The following HS3ST2 variants were observed in gnomAD, a reference collection of about 807,000 sequenced individuals.
The protein encoded by HS3ST2 is heparan sulfate-glucosamine 3-sulfotransferase 2, also known as heparan sulfate glucosamine 3-O-sulfotransferase 2.
A neutral mutation model predicts 26.3 loss-of-function variants in HS3ST2; 17 were observed. That is an observed-to-expected ratio of 0.65 (90% CI 0.44 to 0.97). HS3ST2 has a LOEUF of 0.97. HS3ST2 is among the 50% of genes least tolerant of loss of function. The pLI, the probability that HS3ST2 is intolerant of heterozygous loss-of-function variation, is 0.00. For missense variants in HS3ST2, 402 were observed against 501.2 expected, an observed-to-expected ratio of 0.80 and a Z score of 1.89; for synonymous variants, 237 against 219.2, an observed-to-expected ratio of 1.08 and a Z score of -0.72.
At chr16:22,844,931 T>C (rs555934167) in intron 1 of HS3ST2, among the ~76,000 whole-genome samples, 32 of 151,976 alleles carry the variant, frequency 2.1e-4, no homozygotes, top group African/African-American at 7.2e-4. Flanking sequence ...CTCAGCTCAC[T>C]GCAAGCTTCG....
intron 1 of HS3ST2, among the ~76,000 whole-genome samples, chr16:22,844,905 A>G (rs1450947169): frequency 2.7e-5 from 4 of 150,086 alleles, no homozygotes; most frequent in Non-Finnish European, 4.4e-5. Context: ...CCCAGGCTGG[A>G]GTGCAGTGGC....
intron 1 of HS3ST2, among the ~76,000 whole-genome samples, chr16:22,820,860 G>A (rs1216452703): frequency 6.6e-6 from 1 of 152,214 alleles, no homozygotes; most frequent in Non-Finnish European, 1.5e-5. Context: ...ACCACTGAAA[G>A]GTTCTAAGAA....
intron 1 of HS3ST2, among the ~76,000 whole-genome samples, chr16:22,844,356 C>T (rs9302400): frequency 6.6e-6 from 1 of 152,052 alleles, no homozygotes; most frequent in Non-Finnish European, 1.5e-5. Flanking sequence ...AGACAAAGCT[C>T]CTTACAGTTC....
intron 1 of HS3ST2, among the ~76,000 whole-genome samples, chr16:22,838,846 T>C (rs1409373788): frequency 3.9e-5 from 6 of 152,202 alleles, no homozygotes; most frequent in African/African-American, 1.4e-4. Flanking sequence ...CAGGGGTTGC[T>C]GCTTCTTCCT....
intron 1 of HS3ST2, among the ~76,000 whole-genome samples, chr16:22,824,044 C>T (rs573777301): frequency 5.9e-5 from 9 of 152,352 alleles, no homozygotes; most frequent in African/African-American, 2.2e-4. Context: ...ACCACATCTA[C>T]ATAGATTGTC....
intron 1 of HS3ST2, among the ~76,000 whole-genome samples, chr16:22,867,738 CTGGAAGAATATT>C (rs1684004308): frequency 2.0e-5 from 3 of 152,180 alleles, no homozygotes; most frequent in African/African-American, 7.2e-5. Context: ...TACAACTGTT[CTGGAAGAATATT>C]TGGAAGGATA....
At chr16:22,909,423 C>G (rs1333708963) in intron 1 of HS3ST2, among the ~76,000 whole-genome samples, 1 of 152,122 alleles carries the variant, frequency 6.6e-6, no homozygotes, top group African/African-American at 2.4e-5. Flanking sequence ...CAGCTGGAAA[C>G]AAGTAAGCAA....
At chr16:22,869,257 G>A (rs886350817) in intron 1 of HS3ST2, among the ~76,000 whole-genome samples, 1 of 152,108 alleles carries the variant, frequency 6.6e-6, no homozygotes, top group Admixed American at 6.6e-5. Flanking sequence ...ACACCCATGG[G>A]AGGCAGCATC....
chr16:22,881,056 C>G (rs1567495453), intron 1 of HS3ST2, among the ~76,000 whole-genome samples: 3 of 152,208 alleles, frequency 2.0e-5, no homozygotes, highest in Admixed American at 1.3e-4. Context: ...GAGTTTCCAT[C>G]ACTTGCAACC....
chr16:22,853,903 G>A (rs996258724), intron 1 of HS3ST2, among the ~76,000 whole-genome samples: 2 of 152,112 alleles, frequency 1.3e-5, no homozygotes, highest in Non-Finnish European at 2.9e-5. Flanking sequence ...ACACTTATTG[G>A]CCTCAACAGG....
chr16:22,815,472 C>A (rs1204040219), intron 1 of HS3ST2, among the ~76,000 whole-genome samples: 9 of 152,208 alleles, frequency 5.9e-5, no homozygotes, highest in Non-Finnish European at 1.2e-4. Context: ...TAGGTCTTTG[C>A]TGGTACCCAG....
chr16:22,814,706 C>T lies in HS3ST2; in HGVS notation c.96C>T (p.Tyr32=), dbSNP rs753528845. The part of the protein sequence containing the change: ...FAFTLSLSCT[Y]LCYSFLCCCD... ...TCACGCTCTCGCTCTCCTGCACTTA[C>T]CTGTGTTACAGCTTCCTGTGCTGCT... is the stretch of plus-strand genomic sequence containing the variant. Residue 32 remains tyrosine, a synonymous_variant, in exon 1 of 2, where the codon TAC becomes TAT. Coordinates refer to ENST00000261374, the MANE Select transcript of HS3ST2 (RefSeq NM_006043.2). 6.2e-7 allele frequency: 1 copy of T among 1,608,698 alleles called. No individual in the cohort carries two copies. Among genetic ancestry groups the T allele is most frequent in the Non-Finnish European group, 8.5e-7 (1 of 1,178,300 alleles).
intron 1 of HS3ST2, among the ~76,000 whole-genome samples, chr16:22,844,094 A>G (rs1008703687): frequency 3.3e-5 from 5 of 151,982 alleles, no homozygotes; most frequent in Non-Finnish European, 7.4e-5. Flanking sequence ...ATGATGAATC[A>G]TGTCCTGGCA....
At chr16:22,860,074 T>G (rs1901654005) in intron 1 of HS3ST2, among the ~76,000 whole-genome samples, 1 of 152,156 alleles carries the variant, frequency 6.6e-6, no homozygotes, top group African/African-American at 2.4e-5. Context: ...CCCTAACAGC[T>G]CTATTTAAAA....
intron 1 of HS3ST2, among the ~76,000 whole-genome samples, chr16:22,909,834 G>T (rs1902400138): frequency 6.6e-6 from 1 of 152,122 alleles, no homozygotes; most frequent in Non-Finnish European, 1.5e-5. Flanking sequence ...TAGGTCAGGA[G>T]TTCGAGACCA....
chr16:22,869,135 G>C (rs1180603314), intron 1 of HS3ST2, among the ~76,000 whole-genome samples: 1 of 151,964 alleles, frequency 6.6e-6, no homozygotes, highest in African/African-American at 2.4e-5. Flanking sequence ...CTAGTGAAAA[G>C]GGGCGCTCTG....
intron 1 of HS3ST2, among the ~76,000 whole-genome samples, chr16:22,855,696 G>GTCTTTCTC (rs1555512844): frequency 7.0e-6 from 1 of 142,940 alleles, no homozygotes; most frequent in African/African-American, 2.6e-5. Flanking sequence ...CTGTCTCTCT[G>GTCTTTCTC]TCTCTCTCTC....
intron 1 of HS3ST2, among the ~76,000 whole-genome samples, chr16:22,849,599 A>G (rs1264498548): frequency 2.0e-5 from 3 of 152,152 alleles, no homozygotes; most frequent in African/African-American, 7.2e-5. Flanking sequence ...CCCCTCAGGG[A>G]CCCAGTTGAG....
At chr16:22,850,519 G>C in intron 1 of HS3ST2, among the ~76,000 whole-genome samples, 1 of 152,138 alleles carries the variant, frequency 6.6e-6, no homozygotes, top group Non-Finnish European at 1.5e-5. Flanking sequence ...GGGCGCAGTG[G>C]CTCACACCTG....
Sources: gnomAD v4.1 joint callset for allele counts (sites outside exome capture counted in the v4.1 genomes callset) on GRCh38, gnomAD v4.1.1 for gene constraint, MANE v1.5 for transcripts, NCBI Gene and HGNC (gene_info 2026-07-23, HGNC 2026-07-21) for gene names.